Variants in SOCS2 observed in about 807,000 individuals in gnomAD.
SOCS2 encodes CIS-2.
SOCS2 carries 10 observed loss-of-function variants against 18.6 expected under a neutral mutation model. The observed-to-expected ratio is 0.54, with a 90% CI of 0.33 to 0.91. The LOEUF is 0.91. SOCS2 is among the 40% of genes least tolerant of loss of function. The pLI is 0.02. For synonymous variants in SOCS2, 104 were observed against 104.0 expected, an observed-to-expected ratio of 1.00 and a Z score of 0.00; for missense variants, 231 against 247.2, an observed-to-expected ratio of 0.93 and a Z score of 0.44.
chr12:93,580,502 T>C (rs999512787), downstream of SOCS2, among the ~76,000 whole-genome samples: 8 of 150,658 alleles, frequency 5.3e-5, no homozygotes, highest in Admixed American at 3.3e-4. Context: ...ACACCTATAG[T>C]CCCAGCTACT....
At position 93,572,839 on chromosome 12, in the gene SOCS2, AC is replaced by A; in HGVS notation, c.-56del. On this transcript the variant is annotated 5_prime_UTR_variant, in exon 1 of 2. Coordinates refer to ENST00000551556, the MANE Select transcript of SOCS2 (RefSeq NM_001270471.2). The surrounding 1 kb of genome is among the most constrained non-coding windows in gnomAD (Gnocchi z 5.0). ...GCACTGACTTCAAGGAAGGACGCGA[AC>A]CCTTCTCTGACCCCAGCTCGGGCGG... 1 of 1,552,234 alleles carries A rather than the reference AC, an allele frequency of 6.4e-7. No homozygotes were observed. Among genetic ancestry groups the A allele is most frequent in the Non-Finnish European group, 8.7e-7 (1 of 1,147,518 alleles).
chr12:93,619,307 C>A, the SOCS2 span, among the ~76,000 whole-genome samples: 2 of 152,156 alleles, frequency 1.3e-5, no homozygotes, highest in Admixed American at 1.3e-4. Context: ...AGCCAGAGAG[C>A]AAGAGAGCCT....
the SOCS2 span, among the ~76,000 whole-genome samples, chr12:93,605,298 G>T: frequency 2.0e-5 from 3 of 152,020 alleles, no homozygotes; most frequent in African/African-American, 7.2e-5. Context: ...TATAAGATAA[G>T]AAATTACCCC....
At chr12:93,599,954 A>G in the SOCS2 span, among the ~76,000 whole-genome samples, 3 of 152,214 alleles carry the variant, frequency 2.0e-5, no homozygotes, top group African/African-American at 4.8e-5. Flanking sequence ...GGACTAAGAC[A>G]TGCACTGAAA....
chr12:93,610,138 A>G, the SOCS2 span, among the ~76,000 whole-genome samples: 2 of 152,220 alleles, frequency 1.3e-5, no homozygotes, highest in Non-Finnish European at 2.9e-5. Context: ...TTCAAACTAT[A>G]GCACCCACCA....
chr12:93,625,363 A>G, the SOCS2 span, among the ~76,000 whole-genome samples: 249 of 152,324 alleles, frequency 1.6e-3, 3 homozygotes, highest in African/African-American at 2.9e-3. Flanking sequence ...AGTTCATGCA[A>G]TTGAAATAAA....
At chr12:93,596,162 G>T in the SOCS2 span, among the ~76,000 whole-genome samples, 1 of 152,186 alleles carries the variant, frequency 6.6e-6, no homozygotes, top group Non-Finnish European at 1.5e-5. Flanking sequence ...GTATTAGGCT[G>T]TGTTTCTTGA....
At chr12:93,585,484 GC>G (rs1333366137), downstream of SOCS2, among the ~76,000 whole-genome samples, 5 of 152,176 alleles carry the variant, frequency 3.3e-5, no homozygotes, top group Admixed American at 3.3e-4. Context: ...GGGCCAGGAA[GC>G]ACAGTTCTCC....
the SOCS2 span, among the ~76,000 whole-genome samples, chr12:93,588,765 C>T: frequency 6.6e-6 from 1 of 152,034 alleles, no homozygotes; most frequent in Non-Finnish European, 1.5e-5. Flanking sequence ...TACAGGCATG[C>T]ACCACCAAGC....
chr12:93,574,652 CTCTGT>C, intron 1 of SOCS2, 65 bp from the exon 2 acceptor site: 1 of 1,099,278 alleles, frequency 9.1e-7, no homozygotes, highest in Admixed American at 3.0e-5. Flanking sequence ...CAATTACTTG[CTCTGT>C]TCTAAGAATT....
At chr12:93,613,719 C>A in the SOCS2 span, among the ~76,000 whole-genome samples, 2 of 152,110 alleles carry the variant, frequency 1.3e-5, no homozygotes, top group African/African-American at 4.8e-5. Flanking sequence ...CTCTGGCTTT[C>A]AATATTGGTT....
chr12:93,589,277 A>T, the SOCS2 span, among the ~76,000 whole-genome samples: 6 of 152,284 alleles, frequency 3.9e-5, no homozygotes, highest in Admixed American at 1.3e-4. Context: ...TTTCAAAGGC[A>T]TTTCCTGTTT....
the SOCS2 span, among the ~76,000 whole-genome samples, chr12:93,604,516 C>A: frequency 6.6e-6 from 1 of 152,050 alleles, no homozygotes; most frequent in African/African-American, 2.4e-5. Context: ...GCCAAATATA[C>A]CTAAACTCAA....
chr12:93,584,388 C>T (rs1249523478), downstream of SOCS2, among the ~76,000 whole-genome samples: 2 of 152,134 alleles, frequency 1.3e-5, no homozygotes, highest in African/African-American at 4.8e-5. Context: ...GGGTCTAGTG[C>T]AAGACCTTAG....
the SOCS2 span, among the ~76,000 whole-genome samples, chr12:93,602,325 A>T: frequency 0.048 from 7,285 of 152,272 alleles, 208 homozygotes; most frequent in South Asian, 0.09. Context: ...CGAACTCCTG[A>T]GGTCAAACAA....
the SOCS2 span, among the ~76,000 whole-genome samples, chr12:93,622,566 A>G: frequency 1.3e-5 from 2 of 152,068 alleles, no homozygotes; most frequent in African/African-American, 4.8e-5. Flanking sequence ...TATAAAGGAA[A>G]CCTTTAAAAC....
the SOCS2 span, among the ~76,000 whole-genome samples, chr12:93,621,243 A>C: frequency 2.6e-5 from 4 of 152,318 alleles, no homozygotes; most frequent in South Asian, 6.2e-4. Context: ...TAAAATACCA[A>C]ACTGTCTTTC....
At chr12:93,595,954 G>C in the SOCS2 span, among the ~76,000 whole-genome samples, 5 of 151,558 alleles carry the variant, frequency 3.3e-5, no homozygotes, top group African/African-American at 1.2e-4. Context: ...AGCAAATAGA[G>C]GGCAAAAACA....
the SOCS2 span, among the ~76,000 whole-genome samples, chr12:93,590,568 G>C: frequency 6.6e-6 from 1 of 151,536 alleles, no homozygotes; most frequent in East Asian, 1.9e-4. Flanking sequence ...AGGCCGAAGT[G>C]GGCGGATCAC....
Sources: allele counts gnomAD v4.1 joint callset (sites outside exome capture counted in the v4.1 genomes callset), GRCh38; gene constraint gnomAD v4.1.1; non-coding constraint Gnocchi (gnomAD v3.1); transcripts MANE v1.5; gene names NCBI Gene and HGNC (gene_info 2026-07-23, HGNC 2026-07-21).